LPIN2: variants seen among roughly 807,000 people sequenced by gnomAD.
LPIN2 encodes the protein phosphatidate phosphatase LPIN2.
A neutral mutation model predicts 111.4 loss-of-function variants in LPIN2; 55 were observed. The observed-to-expected ratio is 0.49, with a 90% CI of 0.40 to 0.62. The LOEUF is 0.62. LPIN2 is among the 20% of genes least tolerant of loss of function. The probability of loss-of-function intolerance (pLI) is 0.00; values close to 1 mark genes in which losing one functional copy is unlikely to be tolerated. For synonymous variants in LPIN2, 425 were observed against 414.0 expected, an observed-to-expected ratio of 1.03 and a Z score of -0.32; for missense variants, 992 against 1,112.1, an observed-to-expected ratio of 0.89 and a Z score of 1.54.
intron 1 of LPIN2, among the ~76,000 whole-genome samples, chr18:2,981,323 A>G (rs1406277514): frequency 1.3e-5 from 2 of 152,246 alleles, no homozygotes; most frequent in African/African-American, 4.8e-5. Context: ...TCAGATCCTT[A>G]TCCCAAACGT....
At chr18:2,999,029 T>C (rs2078388474) in intron 1 of LPIN2, among the ~76,000 whole-genome samples, 1 of 152,194 alleles carries the variant, frequency 6.6e-6, no homozygotes, top group Non-Finnish European at 1.5e-5. Flanking sequence ...TTTCTGATCA[T>C]TAGTGAAGAT....
intron 4 of LPIN2, chr18:2,945,858 G>C: frequency 6.8e-7 from 1 of 1,474,686 alleles, no homozygotes; most frequent in South Asian, 1.1e-5. Context: ...ATGTCTACAT[G>C]GAACAACTTT....
chr18:2,974,404 T>A (rs1018879004), intron 1 of LPIN2, among the ~76,000 whole-genome samples: 1 of 152,184 alleles, frequency 6.6e-6, no homozygotes, highest in Non-Finnish European at 1.5e-5. Context: ...TTTTAAGGAA[T>A]CTTCAGTGTC....
At chr18:2,954,183 T>G (rs2143133910) in intron 3 of LPIN2, among the ~76,000 whole-genome samples, 1 of 152,306 alleles carries the variant, frequency 6.6e-6, no homozygotes, top group South Asian at 2.1e-4. Flanking sequence ...CTGAATGTAT[T>G]CAAGTCAATA....
At chr18:2,922,236 G>A (rs1443817109) in intron 16 of LPIN2, 37 bp from the exon 17 acceptor site, 3 of 1,606,492 alleles carry the variant, frequency 1.9e-6, no homozygotes, top group South Asian at 2.2e-5. Flanking sequence ...CACATGTTCT[G>A]GCTAAGGGAA....
intron 4 of LPIN2, among the ~76,000 whole-genome samples, chr18:2,944,158 T>C (rs1413546030): frequency 6.6e-6 from 1 of 151,674 alleles, no homozygotes; most frequent in African/African-American, 2.4e-5. Flanking sequence ...CTGTGTTACC[T>C]ATATTTAAAA....
chr18:3,003,946 T>G (rs1426828189), intron 1 of LPIN2, among the ~76,000 whole-genome samples: 1 of 152,174 alleles, frequency 6.6e-6, no homozygotes, highest in Non-Finnish European at 1.5e-5. Flanking sequence ...ATATTAATAA[T>G]TGATACCGTG....
intron 15 of LPIN2, 98 bp from the exon 16 acceptor site, chr18:2,923,959 G>A (rs2144127037): frequency 1.1e-6 from 1 of 948,510 alleles, no homozygotes; most frequent in Non-Finnish European, 1.7e-6. Context: ...CTAATTGGTG[G>A]CGGGACACTC....
At chr18:2,929,239 A>G in intron 9 of LPIN2, 81 bp from the exon 10 acceptor site, 2 of 922,396 alleles carry the variant, frequency 2.2e-6, no homozygotes, top group South Asian at 2.8e-5. Flanking sequence ...TGCATTGCAG[A>G]AATTGAAGGC....
chr18:3,001,007 A>G (rs1282841518), intron 1 of LPIN2, among the ~76,000 whole-genome samples: 2 of 151,660 alleles, frequency 1.3e-5, no homozygotes, highest in African/African-American at 2.4e-5. Flanking sequence ...AGAAATTAAA[A>G]AGACTTGAGA....
intron 7 of LPIN2, among the ~76,000 whole-genome samples, chr18:2,936,107 G>A (rs1305337088): frequency 3.3e-5 from 5 of 152,144 alleles, no homozygotes; most frequent in Admixed American, 6.5e-5. Context: ...CAACACCTTC[G>A]ACAGTCACAT....
At position 2,987,483 on chromosome 18, in the gene LPIN2, C is replaced by G. The variant is rs149909562; in HGVS notation, c.-10+25604G>C. Among the ~76,000 whole-genome samples, 709 of 152,144 alleles carry G rather than the reference C, an allele frequency of 4.7e-3. 3 individuals carry two copies. Among genetic ancestry groups the G allele is most frequent in the African/African-American group, 0.016 (664 of 41,482 alleles). On this transcript the variant is annotated intron_variant, in intron 1 of 19. Transcript: ENST00000677752. ...AAAATGTATCGGCATCATGTAGGAA[C>G]CCCTCATCCTCACATTCCTTGACTT...
intron 1 of LPIN2, among the ~76,000 whole-genome samples, chr18:2,994,867 G>T: frequency 6.6e-6 from 1 of 152,204 alleles, no homozygotes; most frequent in East Asian, 1.9e-4. Context: ...GATGGTATAT[G>T]GCCCTGTATT....
At chr18:3,009,865 GTTTAC>G (rs941602602) in intron 1 of LPIN2, among the ~76,000 whole-genome samples, 1 of 152,200 alleles carries the variant, frequency 6.6e-6, no homozygotes, top group African/African-American at 2.4e-5. Flanking sequence ...TAGTAAAAAT[GTTTAC>G]TTTATCATCA....
At chr18:2,978,496 A>C (rs111304580) in intron 1 of LPIN2, among the ~76,000 whole-genome samples, 207 of 152,334 alleles carry the variant, frequency 1.4e-3, no homozygotes, top group African/African-American at 4.8e-3. Flanking sequence ...AATTCAACAA[A>C]ATATCTGACC....
At chr18:2,939,174 A>C (rs1363425646) in intron 6 of LPIN2, among the ~76,000 whole-genome samples, 1 of 152,204 alleles carries the variant, frequency 6.6e-6, no homozygotes, top group Non-Finnish European at 1.5e-5. Flanking sequence ...AAAAATAAAA[A>C]ATAAAAATTC....
At chr18:2,935,825 AG>A (rs2077278361) in intron 7 of LPIN2, among the ~76,000 whole-genome samples, 1 of 151,858 alleles carries the variant, frequency 6.6e-6, no homozygotes, top group South Asian at 2.1e-4. Flanking sequence ...TTGAGGAGAG[AG>A]GGAGGGCAAA....
At chr18:2,993,042 G>C (rs1048547351) in intron 1 of LPIN2, among the ~76,000 whole-genome samples, 1 of 151,794 alleles carries the variant, frequency 6.6e-6, no homozygotes, top group African/African-American at 2.4e-5. Context: ...AGTACTCAGA[G>C]GCTGAGGTGG....
In LPIN2 at chr18:2,926,897, T is replaced by C; in HGVS notation, c.1711-92A>G. On this transcript the variant is annotated intron_variant, in intron 12 of 19. Coordinates refer to ENST00000677752, the MANE Select transcript of LPIN2 (RefSeq NM_001375808.2). ...AGCCCTCTCTAGGAAAGAACACAACTGCCTTCTGAACCCACAACTTAAAAA... is the reference window on the plus strand; with the variant it reads ...AGCCCTCTCTAGGAAAGAACACAACCGCCTTCTGAACCCACAACTTAAAAA... 3 of 955,902 alleles carry C rather than the reference T, an allele frequency of 3.1e-6. No individual in the cohort carries two copies. The South Asian group carries it at 4.1e-5, about 13-fold the overall frequency. The allele number at this position is 955,902 out of a possible 1,614,324, so 59.2% of individuals were successfully genotyped here.
Sources: gnomAD v4.1 joint callset for allele counts (sites outside exome capture counted in the v4.1 genomes callset) on GRCh38, gnomAD v4.1.1 for gene constraint, MANE v1.5 for transcripts, NCBI Gene and HGNC (gene_info 2026-07-23, HGNC 2026-07-21) for gene names.